ENPP1: variants seen among roughly 807,000 people sequenced by gnomAD.
The protein encoded by ENPP1 is ectonucleotide pyrophosphatase/phosphodiesterase 1.
In ENPP1, 73 loss-of-function variants were observed where a neutral mutation model predicts 122.8. The ratio of observed to expected loss-of-function variants is 0.59; its 90% CI spans 0.49 to 0.72. ENPP1 has a LOEUF of 0.72. Ranked by LOEUF, ENPP1 falls within the 30% of genes least tolerant of loss-of-function variation. The probability of loss-of-function intolerance (pLI) is 0.00; values close to 1 mark genes in which losing one functional copy is unlikely to be tolerated. For missense variants in ENPP1, 978 were observed against 1,128.1 expected, an observed-to-expected ratio of 0.87 and a Z score of 1.91; for synonymous variants, 367 against 391.6, an observed-to-expected ratio of 0.94 and a Z score of 0.74.
intron 23 of ENPP1, 132 bp from the exon 24 acceptor site, chr6:131,886,430 T>A (rs565972926): frequency 1.7e-5 from 12 of 704,378 alleles, no homozygotes; most frequent in Non-Finnish European, 2.9e-5. Flanking sequence ...GTATTGTGAT[T>A]ACTAGCTTCT....
chr6:131,841,096 T>C (rs1399569001), intron 1 of ENPP1, among the ~76,000 whole-genome samples: 1 of 152,220 alleles, frequency 6.6e-6, no homozygotes, highest in Admixed American at 6.5e-5. Context: ...CAAGCATGCA[T>C]GAACAACTGC....
intron 1 of ENPP1, among the ~76,000 whole-genome samples, chr6:131,815,851 C>T (rs997795794): frequency 1.3e-5 from 2 of 150,600 alleles, no homozygotes; most frequent in Non-Finnish European, 3.0e-5. Context: ...ATTACAGGCG[C>T]ACACCACCAC....
intron 1 of ENPP1, among the ~76,000 whole-genome samples, chr6:131,821,079 A>G (rs1781479579): frequency 6.6e-6 from 1 of 152,236 alleles, no homozygotes; most frequent in Non-Finnish European, 1.5e-5. Flanking sequence ...TACATCCTTA[A>G]CTACCCAAAG....
intron 9 of ENPP1, 49 bp from the exon 10 acceptor site, chr6:131,864,457 C>A: frequency 8.1e-7 from 1 of 1,232,010 alleles, no homozygotes; most frequent in Non-Finnish European, 1.2e-6. Flanking sequence ...ATATTTTACA[C>A]CCAAACAATT....
intron 1 of ENPP1, among the ~76,000 whole-genome samples, chr6:131,812,966 A>G (rs183677766): frequency 2.0e-5 from 3 of 152,116 alleles, no homozygotes; most frequent in African/African-American, 7.2e-5. Context: ...CAGCCTCCCA[A>G]GTAGCTGGGA....
At position 131,849,974 on chromosome 6, in the gene ENPP1, C is replaced by T. The variant is rs747547569; in HGVS notation, c.314-16C>T. 13 of 1,551,398 alleles carry T rather than the reference C, an allele frequency of 8.4e-6. No homozygotes were observed. Among genetic ancestry groups the T allele is most frequent in the African/African-American group, 5.4e-5 (4 of 73,664 alleles). ...TAATGATTAGAAACATCTGACTTAT[C>T]GTTCAATTTTTTCAGTTAAAAGTTG... On this transcript the variant is annotated splice_polypyrimidine_tract_variant and intron_variant, in intron 2 of 24. Coordinates refer to ENST00000647893, the MANE Select transcript of ENPP1 (RefSeq NM_006208.3).
intron 1 of ENPP1, among the ~76,000 whole-genome samples, chr6:131,845,224 G>C (rs1190676744): frequency 6.6e-6 from 1 of 151,022 alleles, no homozygotes; most frequent in African/African-American, 2.4e-5. Flanking sequence ...GTAGAGACGG[G>C]GTTTCACCAT....
Position 131,892,613 on chromosome 6 carries a change from C to G in ENPP1, c.*2102C>G, listed in dbSNP as rs1209329027. 1 of 152,200 alleles carries G rather than the reference C, an allele frequency of 6.6e-6. No individual in the cohort carries two copies. The highest frequency in any genetic ancestry group is 6.5e-5 in the Admixed American group (1 of 15,276). The allele number at this position is 152,200 out of a possible 1,614,324, so 9.4% of individuals were successfully genotyped here. A position where few individuals can be genotyped will look rare whatever the true frequency, so the allele number is the denominator to read the frequency against. On this transcript the variant is annotated 3_prime_UTR_variant, in exon 25 of 25. Transcript: ENST00000647893. ...GACACCACTCTGGAGTTGTATTCTT[C>G]CAGCACACAAACATACACAATTTAA...
rs1320639230 is a variant in ENPP1, at chr6:131,808,271, C to T, written c.236C>T (p.Ser79Leu). Residue 79 changes from serine to leucine, a missense_variant, in exon 1 of 25, where the codon TCG (serine) becomes TTG (leucine). Ser to Leu is a moderately radical substitution (Grantham distance 145, BLOSUM62 -2). Transcript: ENST00000647893. ...AKDPNTYKVL[S>L]LVLSVCVLTT... is the part of the protein sequence containing the mutation. ...GACCCCAACACCTATAAAGTACTCT[C>T]GCTGGTAGGTCCGCGGCCAGGCCCC... 3.3e-6 allele frequency: 5 copies of T among 1,502,738 alleles called. No individual in the cohort carries two copies. The African/African-American group carries it at 4.3e-5, about 13-fold the overall frequency. 93.1% of individuals were successfully genotyped at this position (1,502,738 alleles called of 1,614,324 possible).
intron 1 of ENPP1, among the ~76,000 whole-genome samples, chr6:131,841,346 A>G (rs995197745): frequency 5.9e-5 from 9 of 152,216 alleles, no homozygotes; most frequent in African/African-American, 1.9e-4. Flanking sequence ...TTCAGAAAGC[A>G]TGCAACTTTG....
chr6:131,859,326 T>A (rs1781986900), intron 7 of ENPP1, among the ~76,000 whole-genome samples: 1 of 152,178 alleles, frequency 6.6e-6, no homozygotes. Context: ...TCTGCAGAAA[T>A]GCTTTACTCA....
intron 6 of ENPP1, among the ~76,000 whole-genome samples, chr6:131,857,740 T>C (rs1368066865): frequency 6.6e-6 from 1 of 152,150 alleles, no homozygotes; most frequent in East Asian, 1.9e-4. Flanking sequence ...GCATGACACA[T>C]GTATACATAT....
rs7773477 is a variant in ENPP1 at position 131,847,857 on chromosome 6, G to T, written c.313+9G>T. 30,639 of 363,060 alleles carry T rather than the reference G, an allele frequency of 0.084. 386 individuals carry two copies. The highest frequency in any genetic ancestry group is 0.2 in the African/African-American group (3,739 of 18,242). The allele number at this position is 363,060 out of a possible 1,614,324, so 22.5% of individuals were successfully genotyped here. On this transcript the variant is annotated intron_variant, in intron 2 of 24. Transcript: ENST00000647893. ...AAGCTGTGCCAAAGAAGGTAATTAG[G>T]TGTGTGTGTGTGTGTGTGTGTGTGT...
chr6:131,872,840 AATAAAT>A, intron 14 of ENPP1, 77 bp from the exon 15 acceptor site: 1 of 1,344,910 alleles, frequency 7.4e-7, no homozygotes, highest in Non-Finnish European at 1.1e-6. Context: ...ATCTTTCCCT[AATAAAT>A]ATCTTTCCCT....
chr6:131,847,092 G>A (rs1350802035), intron 1 of ENPP1, among the ~76,000 whole-genome samples: 4 of 152,166 alleles, frequency 2.6e-5, no homozygotes, highest in African/African-American at 7.2e-5. Flanking sequence ...GGTCCAGGAG[G>A]TTGTCAGCTG....
At position 131,894,086 on chromosome 6, in the gene ENPP1, TG is replaced by T. The variant is rs1782511250; in HGVS notation, c.*3578del. ...CTCCTGGCTCAGCCTCCCGAGTAAC[TG>T]GGACTACAGGCACCTGCCGTCACGC... is the stretch of plus-strand genomic sequence containing the variant. On this transcript the variant is annotated 3_prime_UTR_variant, in exon 25 of 25. Coordinates refer to ENST00000647893, the MANE Select transcript of ENPP1 (RefSeq NM_006208.3). 1 of 147,680 alleles carries T rather than the reference TG, an allele frequency of 6.8e-6. No individual in the cohort carries two copies. Among genetic ancestry groups the T allele is most frequent in the Non-Finnish European group, 1.5e-5 (1 of 67,400 alleles). 9.1% of individuals were successfully genotyped at this position (147,680 alleles called of 1,614,324 possible).
At chr6:131,826,382 G>T in intron 1 of ENPP1, 1 of 1,024,464 alleles carries the variant, frequency 9.8e-7, no homozygotes, top group South Asian at 1.4e-5. Context: ...TGCTAGGGCA[G>T]ATTCTCAATA....
chr6:131,847,639 G>A (rs1162489670), intron 1 of ENPP1, 137 bp from the exon 2 acceptor site: 5 of 638,570 alleles, frequency 7.8e-6, no homozygotes, highest in Admixed American at 5.3e-5. Context: ...CCAGGATTTC[G>A]AGGTTACAGT....
intron 21 of ENPP1, 57 bp from the exon 22 acceptor site, chr6:131,883,637 A>G (rs1438341841): frequency 2.2e-6 from 2 of 892,902 alleles, no homozygotes; most frequent in African/African-American, 1.7e-5. Flanking sequence ...ATGAGAAACT[A>G]TAATTTCCTA....
Sources: gnomAD v4.1 joint callset for allele counts (sites outside exome capture counted in the v4.1 genomes callset) on GRCh38, gnomAD v4.1.1 for gene constraint, MANE v1.5 for transcripts, NCBI Gene and HGNC (gene_info 2026-07-23, HGNC 2026-07-21) for gene names.